Variants in RSF1 observed in about 807,000 individuals in gnomAD.
RSF1 encodes remodeling and spacing factor 1, also known as HBV pX-associated protein 8.
In RSF1, 13 loss-of-function variants were observed where a neutral mutation model predicts 145.2. The observed-to-expected ratio is 0.09, with a 90% CI of 0.06 to 0.14. The LOEUF (loss-of-function observed/expected upper bound fraction) is 0.14, where lower values mean the gene tolerates loss of function less well. Among genes scored for constraint, RSF1 ranks in the 10% least tolerant of loss-of-function variants. The probability of loss-of-function intolerance (pLI) is 1.00; values close to 1 mark genes in which losing one functional copy is unlikely to be tolerated. For synonymous variants in RSF1, 577 were observed against 592.6 expected, an observed-to-expected ratio of 0.97 and a Z score of 0.38; for missense variants, 1,517 against 1,718.2, an observed-to-expected ratio of 0.88 and a Z score of 2.07.
Position 77,791,525 on chromosome 11 carries a change from C to G in RSF1, c.188-26836G>C, listed in dbSNP as rs186301256. ...AAAATGGGTTTTTCTTTTCTATTGT[C>G]AGGATGCAAATTTTCCAAACTTTTA... is the stretch of plus-strand genomic sequence containing the variant. On this transcript the variant is annotated intron_variant, in intron 1 of 15. Transcript: ENST00000308488. 1.9e-4 allele frequency among the ~76,000 whole-genome samples: 29 copies of G among 152,308 alleles called. 1 individual carries two copies. The highest frequency in any genetic ancestry group is 6.8e-3 in the Middle Eastern group (2 of 294).
chr11:77,734,460 G>A lies in RSF1; in HGVS notation c.578+6271C>T, dbSNP rs958080278. Reference sequence around the variant, plus strand: ...AGGGAAGTCACCCCACGGCTACGGGGAAATTAGCCGAGGCTTAGCTTTCAT... The same window carrying A: ...AGGGAAGTCACCCCACGGCTACGGGAAAATTAGCCGAGGCTTAGCTTTCAT... On this transcript the variant is annotated intron_variant, in intron 4 of 15. Transcript: ENST00000308488. The A allele has an allele frequency of 1.1e-5, 17 of 1,574,374 alleles. No individual in the cohort carries two copies. The African/African-American group carries it at 1.5e-4, about 14-fold the overall frequency.
At chr11:77,759,517 T>C (rs923940752) in intron 2 of RSF1, among the ~76,000 whole-genome samples, 1 of 151,970 alleles carries the variant, frequency 6.6e-6, no homozygotes, top group African/African-American at 2.4e-5. Context: ...AACCCCGTCT[T>C]TACTAAAAAT....
At chr11:77,759,482 G>A (rs528168294) in intron 2 of RSF1, among the ~76,000 whole-genome samples, 1 of 152,254 alleles carries the variant, frequency 6.6e-6, no homozygotes, top group South Asian at 2.1e-4. Context: ...GAGATCTCTC[G>A]AGACCATCCT....
intron 4 of RSF1, among the ~76,000 whole-genome samples, chr11:77,730,468 A>C (rs1449710609): frequency 6.6e-6 from 1 of 152,218 alleles, no homozygotes; most frequent in Admixed American, 6.5e-5. Flanking sequence ...TGTGTAATCT[A>C]CACCATAATC....
chr11:77,713,035 A>T (rs899591599), intron 5 of RSF1, among the ~76,000 whole-genome samples: 1 of 152,154 alleles, frequency 6.6e-6, no homozygotes, highest in Admixed American at 6.5e-5. Context: ...CTCTTACAGG[A>T]GAATGACATT....
intron 1 of RSF1, among the ~76,000 whole-genome samples, chr11:77,786,987 T>C (rs1380191338): frequency 6.6e-6 from 1 of 152,042 alleles, no homozygotes; most frequent in East Asian, 1.9e-4. Context: ...CAATCTCCCT[T>C]AGAGAGATGA....
At chr11:77,712,896 C>T (rs1960720572) in intron 5 of RSF1, among the ~76,000 whole-genome samples, 1 of 152,192 alleles carries the variant, frequency 6.6e-6, no homozygotes, top group Non-Finnish European at 1.5e-5. Context: ...GCACCTATGT[C>T]CTAATGATAC....
chr11:77,674,947 C>T (rs1043978589), intron 14 of RSF1, 89 bp downstream of exon 14: 10 of 1,032,666 alleles, frequency 9.7e-6, no homozygotes, highest in East Asian at 2.5e-5. Context: ...TGCAGTGAGC[C>T]GAGATGGTGC....
intron 1 of RSF1, among the ~76,000 whole-genome samples, chr11:77,810,926 T>G (rs1320089892): frequency 1.3e-5 from 2 of 152,128 alleles, no homozygotes; most frequent in African/African-American, 4.8e-5. Flanking sequence ...TTGGGTTTTG[T>G]TTTTTTCTGA....
At chr11:77,782,877 A>C (rs902192211) in intron 1 of RSF1, among the ~76,000 whole-genome samples, 1 of 152,218 alleles carries the variant, frequency 6.6e-6, no homozygotes, top group Non-Finnish European at 1.5e-5. Context: ...TTACAGAAAA[A>C]CTTGGCTAAC....
At chr11:77,794,020 GC>G in intron 1 of RSF1, among the ~76,000 whole-genome samples, 1 of 152,248 alleles carries the variant, frequency 6.6e-6, no homozygotes, top group East Asian at 1.9e-4. Context: ...CAACACTGGA[GC>G]ACACAAGTTC....
rs559246663 is a variant in RSF1, at chr11:77,701,660, A to G, written c.1569T>C (p.His523=). ...GTTCCTCTATTTGTGCTTTTTGACT[A>G]TGGATCTCTAAGACTGATATTGAAC... ...ADSSISVLEI[H]SQKAQIEEPD... Residue 523 remains histidine, a synonymous_variant, in exon 6 of 16, where the codon CAT becomes CAC. Transcript: ENST00000308488. The G allele has an allele frequency of 6.2e-6, 10 of 1,614,022 alleles. No homozygotes were observed. In the East Asian group the frequency reaches 1.6e-4, roughly 25 times the overall value.
the RSF1 span, among the ~76,000 whole-genome samples, chr11:77,849,759 A>G: frequency 2.0e-5 from 3 of 152,152 alleles, no homozygotes; most frequent in East Asian, 1.9e-4. Flanking sequence ...CAAACCTGTC[A>G]TGATCTTTCT....
At chr11:77,816,371 A>G (rs1450037832) in intron 1 of RSF1, among the ~76,000 whole-genome samples, 5 of 152,250 alleles carry the variant, frequency 3.3e-5, no homozygotes, top group African/African-American at 9.6e-5. Flanking sequence ...GATCAGTTAC[A>G]GTACCAGTAA....
Position 77,662,160 on chromosome 11 carries a change from A to C in RSF1, c.*4757T>G, listed in dbSNP as rs1959245516. On this transcript the variant is annotated 3_prime_UTR_variant, in exon 16 of 16. Transcript: ENST00000308488. ...CAAGAAATTTTATAAATTTCTACTC[A>C]TCTATTGTTATGCCCTCTTATATAA... The C allele has an allele frequency of 6.6e-6, 1 of 152,096 alleles. No homozygotes were observed. The highest frequency in any genetic ancestry group is 1.9e-4 in the East Asian group (1 of 5,196). The allele number at this position is 152,096 out of a possible 1,614,324, so 9.4% of individuals were successfully genotyped here. A position where few individuals can be genotyped will look rare whatever the true frequency, so the allele number is the denominator to read the frequency against.
intron 5 of RSF1, among the ~76,000 whole-genome samples, chr11:77,713,971 G>A (rs1468131506): frequency 6.6e-6 from 1 of 152,094 alleles, no homozygotes; most frequent in Non-Finnish European, 1.5e-5. Context: ...TGTACAAGTA[G>A]ATTTCCTAAA....
chr11:77,710,086 G>A lies in RSF1; in HGVS notation c.734-7591C>T, dbSNP rs183499013. Among the ~76,000 whole-genome samples the A allele has an allele frequency of 8.5e-5, 13 of 152,104 alleles. No individual in the cohort carries two copies. The East Asian group carries it at 2.1e-3, about 25-fold the overall frequency. On this transcript the variant is annotated intron_variant, in intron 5 of 15. Coordinates refer to ENST00000308488, the MANE Select transcript of RSF1 (RefSeq NM_016578.4). Reference sequence around the variant, plus strand: ...AAGAAATTTAGCAGCTACCCCAAGAGAGCTATACATGCCTTTTCTAATAAT... The same window carrying A: ...AAGAAATTTAGCAGCTACCCCAAGAAAGCTATACATGCCTTTTCTAATAAT...
In RSF1 at chr11:77,725,926, T is replaced by C. The variant is rs557281124; in HGVS notation, c.579-227A>G. ...AATATTAGATTTTCCTCTCTACTGA[T>C]TGGAATGACAATGAATATCTCTTGG... is the stretch of plus-strand genomic sequence containing the variant. On this transcript the variant is annotated intron_variant, in intron 4 of 15. Transcript: ENST00000308488. Among the ~76,000 whole-genome samples the C allele has an allele frequency of 5.9e-5, 9 of 152,318 alleles. No individual in the cohort carries two copies. In the South Asian group the frequency reaches 1.9e-3, roughly 32 times the overall value.
At chr11:77,687,968 T>C (rs1460770156) in intron 9 of RSF1, among the ~76,000 whole-genome samples, 5 of 152,148 alleles carry the variant, frequency 3.3e-5, no homozygotes, top group Non-Finnish European at 7.4e-5. Context: ...AAGAAATTCT[T>C]AGTGGTTTAC....
Sources: gnomAD v4.1 joint callset for allele counts (sites outside exome capture counted in the v4.1 genomes callset) on GRCh38, gnomAD v4.1.1 for gene constraint, MANE v1.5 for transcripts, NCBI Gene and HGNC (gene_info 2026-07-23, HGNC 2026-07-21) for gene names.